The following ZCWPW2 variants were observed in gnomAD, a reference collection of about 807,000 sequenced individuals.
ZCWPW2 encodes the protein zinc finger CW-type PWWP domain protein 2.
ZCWPW2 carries 45 observed loss-of-function variants against 46.6 expected under a neutral mutation model. The observed-to-expected ratio is 0.96, with a 90% CI of 0.76 to 1.24. The LOEUF is 1.24. Ranked by LOEUF, ZCWPW2 falls within the 50% of genes most tolerant of loss-of-function variation. The probability of loss-of-function intolerance (pLI) is 0.00; values close to 1 mark genes in which losing one functional copy is unlikely to be tolerated. For missense variants in ZCWPW2, 429 were observed against 403.9 expected (o/e 1.06, Z -0.53); for synonymous variants, 152 against 137.1 (o/e 1.11, Z -0.76).
chr3:28,445,107 A>G (rs1697935094), intron 4 of ZCWPW2, among the ~76,000 whole-genome samples: 1 of 151,678 alleles, frequency 6.6e-6, no homozygotes, highest in South Asian at 2.1e-4. Flanking sequence ...TGGTACCAAA[A>G]TCTATATTAG....
At chr3:28,447,116 C>T (rs546540534) in intron 4 of ZCWPW2, among the ~76,000 whole-genome samples, 22 of 152,116 alleles carry the variant, frequency 1.4e-4, no homozygotes, top group Admixed American at 3.9e-4. Flanking sequence ...TCAAATCCTA[C>T]TTTTCCAAAA....
At chr3:28,396,369 A>C (rs1200072403) in intron 2 of ZCWPW2, among the ~76,000 whole-genome samples, 1 of 152,160 alleles carries the variant, frequency 6.6e-6, no homozygotes, top group Non-Finnish European at 1.5e-5. Flanking sequence ...TTCTTTCTGG[A>C]GGTAGGCAGG....
intron 4 of ZCWPW2, chr3:28,478,304 C>T: frequency 6.2e-6 from 2 of 323,764 alleles, no homozygotes; most frequent in Non-Finnish European, 6.4e-6. Context: ...AGTGCAGTGG[C>T]ACAATCTCGC....
At chr3:28,412,282 A>G (rs1696431328) in intron 2 of ZCWPW2, among the ~76,000 whole-genome samples, 1 of 151,800 alleles carries the variant, frequency 6.6e-6, no homozygotes, top group Non-Finnish European at 1.5e-5. Context: ...TACACAATTC[A>G]AACTTTTTAT....
At chr3:28,495,522 A>G (rs1239396192) in intron 6 of ZCWPW2, among the ~76,000 whole-genome samples, 1 of 152,132 alleles carries the variant, frequency 6.6e-6, no homozygotes, top group African/African-American at 2.4e-5. Context: ...CATGGGCCAG[A>G]TCTGACCTTT....
intron 3 of ZCWPW2, among the ~76,000 whole-genome samples, chr3:28,423,669 G>T (rs1696890030): frequency 6.6e-6 from 1 of 151,850 alleles, no homozygotes; most frequent in Non-Finnish European, 1.5e-5. Context: ...CCCGGCCCCT[G>T]TGAGCTTTTA....
In ZCWPW2 at chr3:28,390,545, T is replaced by A. The variant is rs376886865; in HGVS notation, c.-86T>A. 9.1e-6 allele frequency: 9 copies of A among 985,266 alleles called. No homozygotes were observed. The highest frequency in any genetic ancestry group is 5.2e-4 in the Middle Eastern group (1 of 1,936). The allele number at this position is 985,266 out of a possible 1,614,324, so 61.0% of individuals were successfully genotyped here. On this transcript the variant is annotated 5_prime_UTR_variant, in exon 2 of 10. Coordinates refer to ENST00000383768, the MANE Select transcript of ZCWPW2 (RefSeq NM_001040432.4). ...CCTCTTTAGTGACTACAGACCTCAC[T>A]TCCCTTCTCTGGAGTTTTGGAGTCT...
intron 4 of ZCWPW2, among the ~76,000 whole-genome samples, chr3:28,475,129 C>T (rs897135626): frequency 2.6e-5 from 4 of 152,086 alleles, no homozygotes; most frequent in Non-Finnish European, 1.5e-5. Flanking sequence ...CAGGCATGAG[C>T]CACCGCGCCC....
chr3:28,445,720 C>A (rs1314988859), intron 4 of ZCWPW2, among the ~76,000 whole-genome samples: 1 of 151,998 alleles, frequency 6.6e-6, no homozygotes, highest in African/African-American at 2.4e-5. Flanking sequence ...GGGTTAAACT[C>A]CCCAGTCAAA....
At chr3:28,520,550 A>G (rs897695931) in intron 8 of ZCWPW2, among the ~76,000 whole-genome samples, 4 of 152,186 alleles carry the variant, frequency 2.6e-5, no homozygotes, top group African/African-American at 7.2e-5. Context: ...GTTTATGTAC[A>G]TGTCAATGGT....
At chr3:28,390,711 A>T (rs1178008613) in intron 2 of ZCWPW2, 94 bp downstream of exon 2, 2 of 912,356 alleles carry the variant, frequency 2.2e-6, no homozygotes, top group Non-Finnish European at 2.6e-6. Flanking sequence ...CAATTTTAAA[A>T]TGTAAAAAAA....
chr3:28,483,559 A>G (rs1201205270), intron 5 of ZCWPW2, among the ~76,000 whole-genome samples: 2 of 152,170 alleles, frequency 1.3e-5, no homozygotes, highest in Non-Finnish European at 2.9e-5. Context: ...TATTGAATTT[A>G]TATATCAAGT....
At chr3:28,514,775 A>C (rs1700519080) in intron 7 of ZCWPW2, among the ~76,000 whole-genome samples, 1 of 152,216 alleles carries the variant, frequency 6.6e-6, no homozygotes, top group Non-Finnish European at 1.5e-5. Context: ...ACAGGTTTTC[A>C]TAGTGAACAA....
chr3:28,402,412 A>T (rs1434179533), intron 2 of ZCWPW2, among the ~76,000 whole-genome samples: 1 of 152,020 alleles, frequency 6.6e-6, no homozygotes, highest in Non-Finnish European at 1.5e-5. Flanking sequence ...AATAGCAAGC[A>T]GCAACATGGA....
chr3:28,401,069 C>A (rs1482477947), intron 2 of ZCWPW2, among the ~76,000 whole-genome samples: 1 of 151,846 alleles, frequency 6.6e-6, no homozygotes, highest in Non-Finnish European at 1.5e-5. Flanking sequence ...GTCCCAGCTA[C>A]TCGGGAGGCT....
intron 6 of ZCWPW2, among the ~76,000 whole-genome samples, chr3:28,503,763 C>T (rs1372360336): frequency 6.6e-6 from 1 of 151,988 alleles, no homozygotes; most frequent in Non-Finnish European, 1.5e-5. Flanking sequence ...CTTTTGTCCA[C>T]AAGTCTTTTG....
intron 5 of ZCWPW2, among the ~76,000 whole-genome samples, chr3:28,480,864 C>CTTTTTTTTTTTTT (rs56891846): frequency 1.6e-5 from 2 of 122,008 alleles, no homozygotes; most frequent in African/African-American, 3.1e-5. Context: ...CATTTTTTTT[C>CTTTTTTTTTTTTT]TTTTTTTTTT....
intron 2 of ZCWPW2, among the ~76,000 whole-genome samples, chr3:28,410,465 G>A (rs189596288): frequency 1.9e-3 from 294 of 151,430 alleles, no homozygotes; most frequent in African/African-American, 6.7e-3. Flanking sequence ...TGTTAAGTAG[G>A]GCCACAAAAC....
At chr3:28,453,747 G>A (rs1232706219) in intron 4 of ZCWPW2, among the ~76,000 whole-genome samples, 2 of 151,686 alleles carry the variant, frequency 1.3e-5, no homozygotes, top group East Asian at 3.9e-4. Context: ...ATCAAGAATG[G>A]TGAAGTCTAA....
Sources: allele counts gnomAD v4.1 joint callset (sites outside exome capture counted in the v4.1 genomes callset), GRCh38; gene constraint gnomAD v4.1.1; transcripts MANE v1.5; gene names NCBI Gene and HGNC (gene_info 2026-07-23, HGNC 2026-07-21).